Variants in ITGB1 observed in about 807,000 individuals in gnomAD.
ITGB1 encodes integrin subunit beta 1.
ITGB1 carries 24 observed loss-of-function variants against 86.5 expected under a neutral mutation model. That is an observed-to-expected ratio of 0.28 (90% CI 0.20 to 0.39). The LOEUF is 0.39. Among genes scored for constraint, ITGB1 ranks in the 10% least tolerant of loss-of-function variants. The probability of loss-of-function intolerance (pLI) is 1.00; values close to 1 mark genes in which losing one functional copy is unlikely to be tolerated. For synonymous variants in ITGB1, 323 were observed against 316.8 expected, an observed-to-expected ratio of 1.02 and a Z score of -0.21; for missense variants, 556 against 946.9, an observed-to-expected ratio of 0.59 and a Z score of 5.42.
chr10:32,945,810 G>A (rs1008677131), intron 1 of ITGB1, among the ~76,000 whole-genome samples: 1 of 152,076 alleles, frequency 6.6e-6, no homozygotes, highest in African/African-American at 2.4e-5. Flanking sequence ...ATTCACTGCT[G>A]CCTTTACACT....
chr10:32,903,859 A>G (rs961581482), intron 15 of ITGB1, among the ~76,000 whole-genome samples: 12 of 152,188 alleles, frequency 7.9e-5, no homozygotes, highest in African/African-American at 2.9e-4. Context: ...TACACTCCAC[A>G]TTTATATCCT....
intron 14 of ITGB1, among the ~76,000 whole-genome samples, chr10:32,909,301 G>GA (rs1396255931): frequency 3.9e-5 from 6 of 151,998 alleles, no homozygotes; most frequent in Admixed American, 2.6e-4. Context: ...ACACTGACAT[G>GA]AAAAAAACTG....
Position 32,911,645 on chromosome 10 carries a change from C to T in ITGB1, c.1734G>A (p.Val578=), listed in dbSNP as rs780931278. 2.5e-6 allele frequency: 4 copies of T among 1,614,204 alleles called. No homozygotes were observed. The South Asian group carries it at 3.3e-5, about 13-fold the overall frequency. ...CAGTGTAGTTGGGGTTGCACTCACA[C>T]ACACGACACTTGCAAACACCATTTC... ...CGGNGVCKCR[V]CECNPNYTGS... The change falls in exon 13 of 16, where the codon GTG becomes GTA. Residue 578 remains valine, a synonymous_variant. Coordinates refer to ENST00000302278, the MANE Select transcript of ITGB1 (RefSeq NM_002211.4).
chr10:32,949,548 C>T (rs896375638), intron 1 of ITGB1, among the ~76,000 whole-genome samples: 2 of 152,000 alleles, frequency 1.3e-5, no homozygotes. Flanking sequence ...GTGTCTTGTT[C>T]CTATAAAAGC....
At position 32,944,625 on chromosome 10, in the gene ITGB1, A is replaced by G. The variant is rs2095027005; in HGVS notation, c.1-9067T>C. ...CAGCTGGCCCTATATGAGCTGAAAA[A>G]TCTCACTTAGTATAGCTAGCTGTTG... is the stretch of plus-strand genomic sequence containing the variant. On this transcript the variant is annotated intron_variant, in intron 1 of 15. Transcript: ENST00000302278. 8.4e-6 allele frequency: 5 copies of G among 598,552 alleles called. No individual in the cohort carries two copies. The Admixed American group carries it at 1.0e-4, about 12-fold the overall frequency. 37.1% of individuals were successfully genotyped at this position (598,552 alleles called of 1,614,324 possible).
chr10:32,942,853 G>T (rs780538749), intron 1 of ITGB1, among the ~76,000 whole-genome samples: 1 of 151,856 alleles, frequency 6.6e-6, no homozygotes, highest in Non-Finnish European at 1.5e-5. Context: ...CCCACCTAGA[G>T]ATCCTGGCTC....
chr10:32,933,935 G>A (rs2094992352), intron 2 of ITGB1, among the ~76,000 whole-genome samples: 1 of 152,104 alleles, frequency 6.6e-6, no homozygotes, highest in South Asian at 2.1e-4. Flanking sequence ...GTTTCCAAAT[G>A]TATGTGTGCA....
intron 1 of ITGB1, among the ~76,000 whole-genome samples, chr10:32,941,534 T>C (rs1418250419): frequency 6.6e-6 from 1 of 152,118 alleles, no homozygotes; most frequent in Admixed American, 6.5e-5. Flanking sequence ...GAGAGCCAAA[T>C]ACCATCCATG....
rs549781194 is a variant in ITGB1, at chr10:32,913,393, C to T, written c.1470-1269G>A. 5.9e-5 allele frequency among the ~76,000 whole-genome samples: 9 copies of T among 152,224 alleles called. No homozygotes were observed. In the South Asian group the frequency reaches 1.9e-3, roughly 32 times the overall value. ...TCCGAGCTAAAGGAGGATATTCAAA[C>T]CCATCGCAAAGAAGCTAAAAACCTT... On this transcript the variant is annotated intron_variant, in intron 11 of 15. Coordinates refer to ENST00000302278, the MANE Select transcript of ITGB1 (RefSeq NM_002211.4).
At chr10:32,913,458 G>A (rs555648028) in intron 11 of ITGB1, among the ~76,000 whole-genome samples, 5 of 152,296 alleles carry the variant, frequency 3.3e-5, no homozygotes, top group East Asian at 1.9e-4. Flanking sequence ...AATAAAGAGC[G>A]TAGAGAAGAC....
intron 15 of ITGB1, among the ~76,000 whole-genome samples, chr10:32,905,776 G>C (rs958004838): frequency 6.6e-6 from 1 of 152,218 alleles, no homozygotes; most frequent in African/African-American, 2.4e-5. Flanking sequence ...TGATTTTTAT[G>C]TAAGTGTTCC....
intron 3 of ITGB1, among the ~76,000 whole-genome samples, chr10:32,930,577 A>C (rs2094980228): frequency 6.6e-6 from 1 of 152,240 alleles, no homozygotes; most frequent in Non-Finnish European, 1.5e-5. Context: ...CGATTAAATA[A>C]GTATTCCCAC....
intron 15 of ITGB1, chr10:32,907,007 C>A (rs1205087029): frequency 9.0e-6 from 7 of 780,814 alleles, no homozygotes; most frequent in Non-Finnish European, 1.4e-5. Context: ...ACACACAGTG[C>A]AGTAAAAAAG....
intron 3 of ITGB1, 101 bp downstream of exon 3, chr10:32,932,414 T>C: frequency 2.7e-6 from 2 of 729,174 alleles, no homozygotes; most frequent in East Asian, 5.1e-5. Flanking sequence ...ATTCATTTTA[T>C]GATTTACATA....
intron 1 of ITGB1, among the ~76,000 whole-genome samples, chr10:32,941,298 T>C (rs2095017640): frequency 1.3e-5 from 2 of 152,182 alleles, no homozygotes; most frequent in African/African-American, 4.8e-5. Flanking sequence ...TCTCTCTTTA[T>C]AGAAAAAAAG....
chr10:32,939,023 A>T (rs1408831005), intron 1 of ITGB1, among the ~76,000 whole-genome samples: 2 of 152,172 alleles, frequency 1.3e-5, no homozygotes, highest in African/African-American at 4.8e-5. Flanking sequence ...AAGGGGAAGG[A>T]ACAGGTGCCC....
chr10:32,937,130 A>G (rs1389426337), intron 1 of ITGB1, among the ~76,000 whole-genome samples: 1 of 152,256 alleles, frequency 6.6e-6, no homozygotes, highest in Admixed American at 6.5e-5. Flanking sequence ...ACATATACAC[A>G]CACATTCAGT....
chr10:32,911,323 C>T (rs961815376), intron 13 of ITGB1, 125 bp downstream of exon 13: 3 of 772,678 alleles, frequency 3.9e-6, no homozygotes, highest in African/African-American at 3.5e-5. Context: ...AGTAGGCTTC[C>T]ACATGGCAGG....
rs532244618 is a variant in ITGB1, at chr10:32,951,005, C to T, written c.-1+7140G>A. Among the ~76,000 whole-genome samples, 37 of 152,138 alleles carry T rather than the reference C, an allele frequency of 2.4e-4. No individual in the cohort carries two copies. In the South Asian group the frequency reaches 5.6e-3, roughly 23 times the overall value. On this transcript the variant is annotated intron_variant, in intron 1 of 15. Coordinates refer to ENST00000302278, the MANE Select transcript of ITGB1 (RefSeq NM_002211.4). ...GGAAAGATAAATAATGGATATAGTA[C>T]GCATTGGCAAACAAAATGCCTAAAG...
Sources: gnomAD v4.1 joint callset for allele counts (sites outside exome capture counted in the v4.1 genomes callset) on GRCh38, gnomAD v4.1.1 for gene constraint, MANE v1.5 for transcripts, NCBI Gene and HGNC (gene_info 2026-07-23, HGNC 2026-07-21) for gene names.